Variants in SLC2A13 observed in about 807,000 individuals in gnomAD.
SLC2A13 encodes proton myo-inositol cotransporter.
In SLC2A13, 32 loss-of-function variants were observed where a neutral mutation model predicts 64.4. The ratio of observed to expected loss-of-function variants is 0.50; its 90% CI spans 0.37 to 0.67. SLC2A13 has a LOEUF of 0.67. Among genes scored for constraint, SLC2A13 ranks in the 30% least tolerant of loss-of-function variants. The pLI, the probability that SLC2A13 is intolerant of heterozygous loss-of-function variation, is 0.00. For missense variants in SLC2A13, 743 were observed against 829.2 expected (o/e 0.90, Z 1.28); for synonymous variants, 338 against 327.1 (o/e 1.03, Z -0.36).
At chr12:39,904,255 C>T (rs769878068) in intron 4 of SLC2A13, among the ~76,000 whole-genome samples, 5 of 152,206 alleles carry the variant, frequency 3.3e-5, no homozygotes, top group Middle Eastern at 3.4e-3. Context: ...GGGGGCTAGT[C>T]GTAGAAGCAC....
In SLC2A13 at chr12:40,100,969, CAAAAA is replaced by C. The variant is rs10633826; in HGVS notation, c.556+4279_556+4283del. ...GACAAGAGTGAAGTTCCATCTCAGA[CAAAAA>C]AAAAAAAAAAAAAAAAGATTAACCC... On this transcript the variant is annotated intron_variant, in intron 1 of 9. Coordinates refer to ENST00000280871, the MANE Select transcript of SLC2A13 (RefSeq NM_052885.4). 1.1e-4 allele frequency among the ~76,000 whole-genome samples: 9 copies of C among 84,704 alleles called. No homozygotes were observed. The South Asian group carries it at 2.2e-3, about 21-fold the overall frequency. The allele number at this position is 84,704 out of a possible 152,430, so 55.6% of individuals were successfully genotyped here. A position where few individuals can be genotyped will look rare whatever the true frequency, so the allele number is the denominator to read the frequency against.
intron 3 of SLC2A13, among the ~76,000 whole-genome samples, chr12:39,961,216 T>G (rs1481196268): frequency 6.6e-6 from 1 of 151,990 alleles, no homozygotes; most frequent in Non-Finnish European, 1.5e-5. Context: ...TAGCTGGAAC[T>G]ACAGGTGCAC....
chr12:39,898,738 A>T (rs1044819829), intron 4 of SLC2A13, among the ~76,000 whole-genome samples: 1 of 152,132 alleles, frequency 6.6e-6, no homozygotes, highest in Admixed American at 6.6e-5. Context: ...TGTTCATGGA[A>T]TGGAACCAGA....
At chr12:40,091,239 G>A (rs1938757006) in intron 1 of SLC2A13, among the ~76,000 whole-genome samples, 1 of 152,146 alleles carries the variant, frequency 6.6e-6, no homozygotes, top group South Asian at 2.1e-4. Context: ...GTCATTATGT[G>A]GCACATGGCT....
At chr12:39,841,275 G>A (rs1451434887) in intron 6 of SLC2A13, among the ~76,000 whole-genome samples, 1 of 152,108 alleles carries the variant, frequency 6.6e-6, no homozygotes, top group Non-Finnish European at 1.5e-5. Flanking sequence ...TTGCTTTTGC[G>A]ATTTAACATA....
chr12:39,958,248 C>T (rs1946350627), intron 3 of SLC2A13, among the ~76,000 whole-genome samples: 1 of 152,152 alleles, frequency 6.6e-6, no homozygotes, highest in South Asian at 2.1e-4. Flanking sequence ...GCACCTGTAC[C>T]TCTCTGCCTC....
chr12:40,039,209 T>C lies in SLC2A13; in HGVS notation c.716+8842A>G, dbSNP rs1467054548. Among the ~76,000 whole-genome samples the C allele has an allele frequency of 2.6e-5, 4 of 152,200 alleles. No homozygotes were observed. The South Asian group carries it at 6.2e-4, about 24-fold the overall frequency. On this transcript the variant is annotated intron_variant, in intron 2 of 9. Coordinates refer to ENST00000280871, the MANE Select transcript of SLC2A13 (RefSeq NM_052885.4). ...TGTCCTTCTTTATCTCTGCTAATACTGTCTCTCTAGAAGTCTACTTTGTGT... is the reference window on the plus strand; with the variant it reads ...TGTCCTTCTTTATCTCTGCTAATACCGTCTCTCTAGAAGTCTACTTTGTGT...
intron 1 of SLC2A13, among the ~76,000 whole-genome samples, chr12:40,073,775 TATA>T (rs762404505): frequency 6.6e-6 from 1 of 151,712 alleles, no homozygotes; most frequent in African/African-American, 2.4e-5. Context: ...ATAGATAATA[TATA>T]ATATTATTTA....
intron 7 of SLC2A13, among the ~76,000 whole-genome samples, chr12:39,773,037 A>C (rs556382843): frequency 7.9e-5 from 12 of 152,346 alleles, no homozygotes; most frequent in East Asian, 7.7e-4. Context: ...TGCAGATTTC[A>C]AACATTATTG....
chr12:39,817,352 T>A (rs1452079361), intron 7 of SLC2A13, among the ~76,000 whole-genome samples: 1 of 147,034 alleles, frequency 6.8e-6, no homozygotes, highest in African/African-American at 2.4e-5. Flanking sequence ...CACAGGCAAA[T>A]CCACAGAATG....
intron 6 of SLC2A13, among the ~76,000 whole-genome samples, chr12:39,861,958 C>A (rs188968237): frequency 3.3e-4 from 50 of 152,198 alleles, no homozygotes; most frequent in Non-Finnish European, 1.5e-5. Flanking sequence ...TGGTTTGCTG[C>A]ACCTATCAAC....
chr12:40,098,131 GTA>G (rs914681574), intron 1 of SLC2A13, among the ~76,000 whole-genome samples: 1 of 151,694 alleles, frequency 6.6e-6, no homozygotes, highest in Non-Finnish European at 1.5e-5. Context: ...ATATAGGTGT[GTA>G]TATATATACA....
chr12:39,978,063 A>G (rs1377386151), intron 3 of SLC2A13, among the ~76,000 whole-genome samples: 4 of 152,228 alleles, frequency 2.6e-5, no homozygotes, highest in African/African-American at 9.6e-5. Context: ...TCACTGCAGT[A>G]TATCTGGCAT....
chr12:39,801,259 C>T (rs1941781123), intron 7 of SLC2A13, among the ~76,000 whole-genome samples: 1 of 131,370 alleles, frequency 7.6e-6, no homozygotes, highest in Non-Finnish European at 1.6e-5. Flanking sequence ...AAAAAAAAAT[C>T]ATTTATTAAA....
At chr12:39,799,419 C>A (rs566771686) in intron 7 of SLC2A13, among the ~76,000 whole-genome samples, 6 of 149,586 alleles carry the variant, frequency 4.0e-5, no homozygotes, top group African/African-American at 1.5e-4. Flanking sequence ...CTGTTCTGTT[C>A]TTTAATCTCA....
chr12:40,003,994 A>G (rs1947365314), intron 3 of SLC2A13, among the ~76,000 whole-genome samples: 1 of 152,030 alleles, frequency 6.6e-6, no homozygotes, highest in South Asian at 2.1e-4. Context: ...ACTCCATCTC[A>G]AAAACAAAAC....
chr12:40,039,236 A>G (rs1207723839), intron 2 of SLC2A13, among the ~76,000 whole-genome samples: 2 of 152,140 alleles, frequency 1.3e-5, no homozygotes, highest in Admixed American at 6.5e-5. Flanking sequence ...ACTTTGTGTG[A>G]CTATTAATAT....
intron 6 of SLC2A13, among the ~76,000 whole-genome samples, chr12:39,838,573 T>C (rs2135867269): frequency 6.7e-6 from 1 of 149,990 alleles, no homozygotes; most frequent in African/African-American, 2.4e-5. Flanking sequence ...AGTATTCATA[T>C]ATTTAGAACA....
Position 40,093,465 on chromosome 12 carries a change from G to A in SLC2A13, c.556+11788C>T, listed in dbSNP as rs186501715. On this transcript the variant is annotated intron_variant, in intron 1 of 9. Coordinates refer to ENST00000280871, the MANE Select transcript of SLC2A13 (RefSeq NM_052885.4). ...AAACAAAACAGAAAAATTAAAATCT[G>A]CCTTCATGGAGATTACACTCTAGTG... Among the ~76,000 whole-genome samples, 12 of 152,274 alleles carry A rather than the reference G, an allele frequency of 7.9e-5. No individual in the cohort carries two copies. The East Asian group carries it at 2.1e-3, about 27-fold the overall frequency.
Sources: allele counts gnomAD v4.1 joint callset (sites outside exome capture counted in the v4.1 genomes callset), GRCh38; gene constraint gnomAD v4.1.1; transcripts MANE v1.5; gene names NCBI Gene and HGNC (gene_info 2026-07-23, HGNC 2026-07-21).